The following WWOX variants were observed in gnomAD, a reference collection of about 807,000 sequenced individuals.
WWOX encodes WW domain-containing oxidoreductase.
WWOX carries 69 observed loss-of-function variants against 46.2 expected under a neutral mutation model. The ratio of observed to expected loss-of-function variants is 1.49; its 90% CI spans 1.23 to 1.82. The LOEUF is 1.82. Among genes scored for constraint, WWOX ranks in the 40% most tolerant of loss-of-function variants. WWOX has a pLI of 0.00. For synonymous variants in WWOX, 359 were observed against 202.6 expected (o/e 1.77, Z -6.56); for missense variants, 919 against 542.6 (o/e 1.69, Z -6.89).
chr16:78,704,781 C>G (rs2048297094), intron 8 of WWOX, among the ~76,000 whole-genome samples: 1 of 152,130 alleles, frequency 6.6e-6, no homozygotes, highest in Non-Finnish European at 1.5e-5. Context: ...TTCTTTCAGG[C>G]AAGACAGCCA....
intron 8 of WWOX, among the ~76,000 whole-genome samples, chr16:78,527,201 C>A (rs575532847): frequency 6.6e-6 from 1 of 152,004 alleles, no homozygotes; most frequent in Non-Finnish European, 1.5e-5. Flanking sequence ...GATGAACAAC[C>A]CCACACAACC....
At chr16:78,901,109 C>T (rs944162286) in intron 8 of WWOX, among the ~76,000 whole-genome samples, 2 of 152,188 alleles carry the variant, frequency 1.3e-5, no homozygotes, top group Non-Finnish European at 2.9e-5. Context: ...CAGTCATTAC[C>T]TTTCTCCTTC....
At chr16:78,199,813 C>T (rs1418018251) in intron 5 of WWOX, among the ~76,000 whole-genome samples, 2 of 152,138 alleles carry the variant, frequency 1.3e-5, no homozygotes, top group Admixed American at 1.3e-4. Context: ...TTGTCAGAAT[C>T]CAGCAGCTGA....
At chr16:78,215,948 T>A (rs552113135) in intron 5 of WWOX, among the ~76,000 whole-genome samples, 53 of 151,596 alleles carry the variant, frequency 3.5e-4, no homozygotes, top group African/African-American at 1.2e-3. Context: ...AACAGATTAA[T>A]ACAATGATCT....
chr16:79,114,217 A>G (rs2049468587), intron 8 of WWOX, among the ~76,000 whole-genome samples: 1 of 152,024 alleles, frequency 6.6e-6, no homozygotes, highest in South Asian at 2.1e-4. Flanking sequence ...TTGAAGTCCC[A>G]TCCTGTTACC....
intron 8 of WWOX, among the ~76,000 whole-genome samples, chr16:79,073,192 A>ATTATTATTG (rs2048585107): frequency 1.4e-5 from 2 of 145,550 alleles, no homozygotes; most frequent in South Asian, 4.4e-4. Flanking sequence ...TATTATTATT[A>ATTATTATTG]CTGAGACACC....
chr16:79,200,447 A>G (rs1343323602), intron 8 of WWOX, among the ~76,000 whole-genome samples: 3 of 152,116 alleles, frequency 2.0e-5, no homozygotes, highest in Non-Finnish European at 2.9e-5. Context: ...CTCAGTTTGA[A>G]TCTGAGTTCC....
rs575220818 is a variant in WWOX, at chr16:79,080,961, T to G, written c.1057-130647T>G. Among the ~76,000 whole-genome samples the G allele has an allele frequency of 2.6e-4, 40 of 152,194 alleles. 1 individual carries two copies. The highest frequency in any genetic ancestry group is 5.0e-4 in the Non-Finnish European group (34 of 68,044). Reference sequence around the variant, plus strand: ...AGTGAATTCTTCTAGTGTAGTTAGATAGTGATGAAAAGATTTTTATACCTC... The same window carrying G: ...AGTGAATTCTTCTAGTGTAGTTAGAGAGTGATGAAAAGATTTTTATACCTC... On this transcript the variant is annotated intron_variant, in intron 8 of 8. Transcript: ENST00000566780.
At chr16:78,404,373 C>T (rs965005515) in intron 6 of WWOX, among the ~76,000 whole-genome samples, 14 of 151,902 alleles carry the variant, frequency 9.2e-5, no homozygotes, top group Non-Finnish European at 1.5e-4. Flanking sequence ...GATACCACCT[C>T]TATCCTTCAG....
intron 8 of WWOX, among the ~76,000 whole-genome samples, chr16:79,013,739 C>G (rs2047358869): frequency 6.6e-6 from 1 of 152,236 alleles, no homozygotes; most frequent in Non-Finnish European, 1.5e-5. Context: ...GGAAGCAAAG[C>G]AATTGCAGGT....
At chr16:78,968,087 T>C (rs1402153210) in intron 8 of WWOX, among the ~76,000 whole-genome samples, 1 of 135,364 alleles carries the variant, frequency 7.4e-6, no homozygotes, top group Non-Finnish European at 1.6e-5. Flanking sequence ...GCACAGTGCA[T>C]GGTCCGCATG....
intron 8 of WWOX, among the ~76,000 whole-genome samples, chr16:78,531,693 A>AT (rs933281499): frequency 1.3e-5 from 2 of 151,558 alleles, no homozygotes; most frequent in South Asian, 2.1e-4. Flanking sequence ...AAATACAAAA[A>AT]TTTTTTTGTA....
At chr16:78,492,865 G>A (rs938500983) in intron 8 of WWOX, among the ~76,000 whole-genome samples, 2 of 152,126 alleles carry the variant, frequency 1.3e-5, no homozygotes, top group African/African-American at 4.8e-5. Flanking sequence ...TGAGCCTGGA[G>A]ACGGCAAGTA....
At chr16:78,781,260 G>C (rs974756972) in intron 8 of WWOX, among the ~76,000 whole-genome samples, 1 of 152,138 alleles carries the variant, frequency 6.6e-6, no homozygotes, top group South Asian at 2.1e-4. Flanking sequence ...TGGGCACTCA[G>C]CTATAAATAG....
intron 5 of WWOX, among the ~76,000 whole-genome samples, chr16:78,262,798 C>T (rs1235982480): frequency 6.6e-6 from 1 of 152,152 alleles, no homozygotes; most frequent in Non-Finnish European, 1.5e-5. Context: ...CCCATCTGGG[C>T]TGTGGGGAGG....
In WWOX at chr16:79,162,365, T is replaced by TA. The variant is rs2050503606; in HGVS notation, c.1057-49242dup. On this transcript the variant is annotated intron_variant, in intron 8 of 8. Transcript: ENST00000566780. Reference sequence around the variant, plus strand: ...GAGTTAAGGCCACGCAGACCAGAGTTACGTGCACAGGTTGTAATACTCTCT... The same window carrying TA: ...GAGTTAAGGCCACGCAGACCAGAGTTAACGTGCACAGGTTGTAATACTCTCT... Among the ~76,000 whole-genome samples, 4 of 152,304 alleles carry TA rather than the reference T, an allele frequency of 2.6e-5. No homozygotes were observed. The South Asian group carries it at 8.3e-4, about 32-fold the overall frequency.
intron 8 of WWOX, among the ~76,000 whole-genome samples, chr16:79,188,809 T>C (rs1217991575): frequency 6.6e-6 from 1 of 152,240 alleles, no homozygotes; most frequent in Admixed American, 6.5e-5. Flanking sequence ...GTGTTTGCTT[T>C]TCCTGGGGCT....
chr16:78,422,774 C>CATATATATACACACAT (rs2082973261), intron 6 of WWOX, among the ~76,000 whole-genome samples: 2 of 113,844 alleles, frequency 1.8e-5, no homozygotes, highest in African/African-American at 5.1e-5. Context: ...TATATACACA[C>CATATATATACACACAT]ATATATATAT....
intron 5 of WWOX, among the ~76,000 whole-genome samples, chr16:78,338,520 G>T (rs2080943942): frequency 8.2e-6 from 1 of 121,470 alleles, no homozygotes; most frequent in Non-Finnish European, 2.0e-5. Context: ...CTTACAGAGA[G>T]AAATTCTGTA....
Sources: gnomAD v4.1 joint callset for allele counts (sites outside exome capture counted in the v4.1 genomes callset) on GRCh38, gnomAD v4.1.1 for gene constraint, MANE v1.5 for transcripts, NCBI Gene and HGNC (gene_info 2026-07-23, HGNC 2026-07-21) for gene names.